ANKFN1: variants seen among roughly 807,000 people sequenced by gnomAD.
ANKFN1 encodes the protein ankyrin repeat and fibronectin type III domain containing 1, also known as ankyrin repeat and fibronectin type-III domain-containing protein 1.
ANKFN1 carries 74 observed loss-of-function variants against 108.7 expected under a neutral mutation model. The observed-to-expected ratio is 0.68, with a 90% CI of 0.56 to 0.83. The LOEUF is 0.83. Among genes scored for constraint, ANKFN1 ranks in the 40% least tolerant of loss-of-function variants. The probability of loss-of-function intolerance (pLI) is 0.00; values close to 1 mark genes in which losing one functional copy is unlikely to be tolerated. For synonymous variants in ANKFN1, 547 were observed against 516.2 expected, an observed-to-expected ratio of 1.06 and a Z score of -0.81; for missense variants, 1,505 against 1,382.3, an observed-to-expected ratio of 1.09 and a Z score of -1.41.
chr17:56,237,429 G>A (rs1917237873), intron 3 of ANKFN1, among the ~76,000 whole-genome samples: 1 of 152,066 alleles, frequency 6.6e-6, no homozygotes, highest in Admixed American at 6.6e-5. Context: ...TCTTTAATCG[G>A]TAGGCTATTT....
intron 4 of ANKFN1, among the ~76,000 whole-genome samples, chr17:56,105,830 T>C (rs139385966): frequency 4.3e-4 from 66 of 151,738 alleles, no homozygotes; most frequent in African/African-American, 1.4e-3. Context: ...CAGACTTAGT[T>C]TTGCCCATTC....
At chr17:56,291,121 G>C (rs2044352160) in intron 3 of ANKFN1, among the ~76,000 whole-genome samples, 1 of 152,152 alleles carries the variant, frequency 6.6e-6, no homozygotes, top group African/African-American at 2.4e-5. Context: ...GATCAGAATA[G>C]ATAGACCCCT....
intron 4 of ANKFN1, among the ~76,000 whole-genome samples, chr17:56,064,733 C>T (rs144166426): frequency 5.3e-5 from 8 of 152,340 alleles, no homozygotes; most frequent in Admixed American, 1.3e-4. Context: ...AGCAGGCAGC[C>T]GCAGCTGTGG....
intron 4 of ANKFN1, among the ~76,000 whole-genome samples, chr17:56,348,927 C>T (rs1436351145): frequency 2.0e-5 from 3 of 152,084 alleles, no homozygotes; most frequent in Non-Finnish European, 4.4e-5. Flanking sequence ...TACATGCATG[C>T]ATATATTCAC....
chr17:56,500,655 G>A (rs562951871), intron 20 of ANKFN1, among the ~76,000 whole-genome samples: 32 of 152,304 alleles, frequency 2.1e-4, no homozygotes, highest in Middle Eastern at 3.4e-3. Flanking sequence ...ACAGGAAAGA[G>A]AAGAGCATTA....
Position 56,511,411 on chromosome 17 carries a change from C to A in ANKFN1, c.*142C>A, listed in dbSNP as rs2145501859. 2.0e-6 allele frequency: 2 copies of A among 1,013,984 alleles called. No individual in the cohort carries two copies. Among genetic ancestry groups the A allele is most frequent in the South Asian group, 3.5e-5 (2 of 56,606 alleles). The allele number at this position is 1,013,984 out of a possible 1,614,324, so 62.8% of individuals were successfully genotyped here. A position where few individuals can be genotyped will look rare whatever the true frequency, so the allele number is the denominator to read the frequency against. On this transcript the variant is annotated 3_prime_UTR_variant, in exon 21 of 21. Coordinates refer to ENST00000682825, the MANE Select transcript of ANKFN1 (RefSeq NM_001370326.1). ...AATACAAAGGTTACAAGTTCAAGGT[C>A]CTCTTTTTTTGGAACAGAGTGGTGG...
chr17:56,228,852 C>T (rs1916490796), intron 3 of ANKFN1, among the ~76,000 whole-genome samples: 1 of 152,016 alleles, frequency 6.6e-6, no homozygotes, highest in African/African-American at 2.4e-5. Flanking sequence ...GAATTTCCAG[C>T]AGAGAATACA....
chr17:56,410,040 G>A lies in ANKFN1; in HGVS notation c.911-30287G>A, dbSNP rs190122954. Among the ~76,000 whole-genome samples the A allele has an allele frequency of 9.5e-4, 144 of 152,196 alleles. 1 individual carries two copies. The East Asian group carries it at 9.7e-3, about 10-fold the overall frequency. On this transcript the variant is annotated intron_variant, in intron 8 of 20. Coordinates refer to ENST00000682825, the MANE Select transcript of ANKFN1 (RefSeq NM_001370326.1). ...AAGAAAAGCCAGGCCAATTTTAAGA[G>A]GTAAAACCCCAAATGACAGAGTTTT...
intron 2 of ANKFN1, among the ~76,000 whole-genome samples, chr17:56,220,798 G>A (rs1915790918): frequency 1.2e-5 from 1 of 84,112 alleles, no homozygotes; most frequent in Non-Finnish European, 2.2e-5. Context: ...AAGGGAGGAA[G>A]GGAGGGAGGG....
chr17:56,427,401 G>T (rs2048603633), intron 8 of ANKFN1, among the ~76,000 whole-genome samples: 1 of 152,094 alleles, frequency 6.6e-6, no homozygotes, highest in African/African-American at 2.4e-5. Flanking sequence ...AGTCTTCTGT[G>T]ACTGTTTACA....
intron 8 of ANKFN1, among the ~76,000 whole-genome samples, chr17:56,380,222 T>C (rs1404172903): frequency 6.6e-6 from 1 of 152,246 alleles, no homozygotes; most frequent in Non-Finnish European, 1.5e-5. Context: ...TTACGGCTGT[T>C]ATGAATGAAC....
At chr17:56,387,660 GTTGT>G (rs1016029040) in intron 8 of ANKFN1, among the ~76,000 whole-genome samples, 48 of 152,248 alleles carry the variant, frequency 3.2e-4, no homozygotes, top group Admixed American at 5.2e-4. Context: ...GTGTGTGTGT[GTTGT>G]TTAAGTACCC....
At chr17:56,389,298 A>G (rs1319294520) in intron 8 of ANKFN1, among the ~76,000 whole-genome samples, 3 of 152,210 alleles carry the variant, frequency 2.0e-5, no homozygotes, top group African/African-American at 7.2e-5. Context: ...TAAAAAAGGC[A>G]ATCCCAGAAG....
intron 4 of ANKFN1, among the ~76,000 whole-genome samples, chr17:56,088,962 A>G (rs1201999191): frequency 1.3e-5 from 2 of 151,294 alleles, no homozygotes; most frequent in African/African-American, 2.4e-5. Flanking sequence ...GGGTGGCCAC[A>G]GCCAGTTGCT....
At chr17:56,283,695 G>A (rs143558922) in intron 3 of ANKFN1, among the ~76,000 whole-genome samples, 2,079 of 151,864 alleles carry the variant, frequency 0.014, 58 homozygotes, top group African/African-American at 0.049. Context: ...CTATGAGGAT[G>A]CAAAGGCATA....
At chr17:56,413,289 G>A (rs1039158550) in intron 8 of ANKFN1, among the ~76,000 whole-genome samples, 6 of 152,108 alleles carry the variant, frequency 3.9e-5, no homozygotes, top group African/African-American at 1.4e-4. Flanking sequence ...CTGAGACTTT[G>A]CTGAAGTCGT....
At chr17:56,467,127 AAAAC>A (rs2050101426) in intron 15 of ANKFN1, among the ~76,000 whole-genome samples, 2 of 152,244 alleles carry the variant, frequency 1.3e-5, no homozygotes, top group South Asian at 4.1e-4. Context: ...AAAAGAAAAG[AAAAC>A]AAACATTGAG....
intron 3 of ANKFN1, among the ~76,000 whole-genome samples, chr17:56,304,128 GC>G (rs1339477681): frequency 1.3e-5 from 2 of 151,934 alleles, no homozygotes; most frequent in African/African-American, 4.8e-5. Flanking sequence ...CCTTTAACTT[GC>G]CATTTTATGA....
At chr17:56,506,018 C>T (rs1219136887) in intron 20 of ANKFN1, among the ~76,000 whole-genome samples, 1 of 150,348 alleles carries the variant, frequency 6.7e-6, no homozygotes, top group African/African-American at 2.4e-5. Flanking sequence ...TCTGAACCCT[C>T]ATAACCTATG....
Sources: gnomAD v4.1 joint callset for allele counts (sites outside exome capture counted in the v4.1 genomes callset) on GRCh38, gnomAD v4.1.1 for gene constraint, MANE v1.5 for transcripts, NCBI Gene and HGNC (gene_info 2026-07-23, HGNC 2026-07-21) for gene names.